Variants in GABBR2 observed in about 807,000 individuals in gnomAD.
GABBR2 encodes the protein G-protein coupled receptor 51.
A neutral mutation model predicts 105.6 loss-of-function variants in GABBR2; 23 were observed. The observed-to-expected ratio is 0.22, with a 90% confidence interval of 0.16 to 0.31. The LOEUF (loss-of-function observed/expected upper bound fraction) is 0.31. Among genes scored for constraint, GABBR2 ranks in the 10% least tolerant of loss-of-function variants. The probability of loss-of-function intolerance (pLI) is 1.00; values close to 1 mark genes in which losing one functional copy is unlikely to be tolerated. For missense variants in GABBR2, 734 were observed against 1,245.5 expected (o/e 0.59, Z 6.18); for synonymous variants, 478 against 499.7 (o/e 0.96, Z 0.58).
intron 11 of GABBR2, among the ~76,000 whole-genome samples, chr9:98,377,444 C>T (rs1256035883): frequency 6.6e-6 from 1 of 152,172 alleles, no homozygotes; most frequent in Admixed American, 6.5e-5. Flanking sequence ...TATTTTAAGT[C>T]TTCCCTGATT....
At chr9:98,530,004 T>C (rs1415145935) in intron 3 of GABBR2, among the ~76,000 whole-genome samples, 1 of 152,174 alleles carries the variant, frequency 6.6e-6, no homozygotes, top group East Asian at 1.9e-4. Flanking sequence ...CCTTTGCTCA[T>C]GCGGCTCTGG....
chr9:98,679,957 C>T (rs958888148), intron 1 of GABBR2, among the ~76,000 whole-genome samples: 3 of 152,216 alleles, frequency 2.0e-5, no homozygotes, highest in Non-Finnish European at 4.4e-5. Context: ...AGTTTACCTG[C>T]ATCTTTGGGC....
chr9:98,340,627 T>G (rs72759646), intron 13 of GABBR2, among the ~76,000 whole-genome samples: 1 of 152,148 alleles, frequency 6.6e-6, no homozygotes, highest in Non-Finnish European at 1.5e-5. Context: ...AACACCACCC[T>G]TTATGGACAT....
intron 3 of GABBR2, among the ~76,000 whole-genome samples, chr9:98,526,050 A>C (rs1827950342): frequency 1.3e-5 from 2 of 152,198 alleles, no homozygotes. Context: ...TGGAGTGATG[A>C]AATATTCTCA....
chr9:98,380,115 C>T (rs1034305887), intron 11 of GABBR2, among the ~76,000 whole-genome samples: 4 of 152,170 alleles, frequency 2.6e-5, no homozygotes, highest in Admixed American at 6.5e-5. Context: ...ACAGGGCTTC[C>T]GTTTTCTGCT....
At chr9:98,571,823 G>C (rs1828836046) in intron 2 of GABBR2, among the ~76,000 whole-genome samples, 1 of 152,142 alleles carries the variant, frequency 6.6e-6, no homozygotes, top group African/African-American at 2.4e-5. Context: ...GGCAGGGCTT[G>C]CTTGCAGGAG....
chr9:98,644,139 C>T (rs1351441083), intron 1 of GABBR2, among the ~76,000 whole-genome samples: 2 of 152,196 alleles, frequency 1.3e-5, no homozygotes, highest in Admixed American at 1.3e-4. Context: ...TCACATTGCC[C>T]AACACACAGC....
intron 1 of GABBR2, among the ~76,000 whole-genome samples, chr9:98,593,500 C>T (rs990244370): frequency 3.9e-5 from 6 of 152,048 alleles, no homozygotes; most frequent in African/African-American, 1.4e-4. Flanking sequence ...GAGGGGAGTC[C>T]TAGTTTCCTT....
chr9:98,330,994 A>G (rs1831015191), intron 13 of GABBR2, among the ~76,000 whole-genome samples: 1 of 152,176 alleles, frequency 6.6e-6, no homozygotes. Flanking sequence ...CAATAGAATC[A>G]TACAATATGT....
intron 1 of GABBR2, among the ~76,000 whole-genome samples, chr9:98,698,892 T>C (rs1830791841): frequency 1.3e-5 from 2 of 152,162 alleles, no homozygotes; most frequent in African/African-American, 4.8e-5. Flanking sequence ...ACCCAGTTCC[T>C]GAGTTAGTCC....
At chr9:98,544,018 T>TTCCC (rs1257727074) in intron 2 of GABBR2, among the ~76,000 whole-genome samples, 11 of 151,952 alleles carry the variant, frequency 7.2e-5, no homozygotes, top group Non-Finnish European at 1.6e-4. Context: ...TCCTCCCTCC[T>TTCCC]TCCCTCCCTC....
At position 98,334,450 on chromosome 9, in the gene GABBR2, G is replaced by T. The variant is rs185706268; in HGVS notation, c.1894-23245C>A. On this transcript the variant is annotated intron_variant, in intron 13 of 18. Transcript: ENST00000259455. ...AAGCAAGGTTATCTCAGGCCAGTCAGGTCACCTACTCAGCTTTAGTTTCCT... is the reference window on the plus strand; with the variant it reads ...AAGCAAGGTTATCTCAGGCCAGTCATGTCACCTACTCAGCTTTAGTTTCCT... Among the ~76,000 whole-genome samples, 220 of 152,300 alleles carry T rather than the reference G, an allele frequency of 1.4e-3. 1 individual carries two copies. Among genetic ancestry groups the T allele is most frequent in the Non-Finnish European group, 1.0e-3 (69 of 68,008 alleles).
chr9:98,400,928 CAA>C (rs1299509513), intron 8 of GABBR2, among the ~76,000 whole-genome samples: 6 of 152,030 alleles, frequency 3.9e-5, no homozygotes, highest in African/African-American at 1.5e-4. Context: ...AATGGACACA[CAA>C]GAGGGACTTT....
chr9:98,488,622 A>AGG (rs1827109668), intron 4 of GABBR2, among the ~76,000 whole-genome samples: 1 of 145,458 alleles, frequency 6.9e-6, no homozygotes, highest in Admixed American at 7.0e-5. Flanking sequence ...TCTTTCTGTC[A>AGG]TTCCCTAGCA....
rs1830505971 is a variant in GABBR2 at position 98,303,688 on chromosome 9, T to C, written c.2230-265A>G. On this transcript the variant is annotated intron_variant, in intron 15 of 18. Transcript: ENST00000259455. ...CTAGTCTCCTGACCCTGATGCCACC[T>C]GCATCCCAACCAGGGCCCCCGAGGC... Among the ~76,000 whole-genome samples, 5 of 152,242 alleles carry C rather than the reference T, an allele frequency of 3.3e-5. No homozygotes were observed. The South Asian group carries it at 1.0e-3, about 31-fold the overall frequency.
chr9:98,590,144 C>T (rs1376458714), intron 1 of GABBR2, among the ~76,000 whole-genome samples: 1 of 152,216 alleles, frequency 6.6e-6, no homozygotes, highest in African/African-American at 2.4e-5. Flanking sequence ...CAGATACAAT[C>T]ACTGCTGGTG....
At chr9:98,563,301 C>T (rs1031082795) in intron 2 of GABBR2, among the ~76,000 whole-genome samples, 3 of 152,120 alleles carry the variant, frequency 2.0e-5, no homozygotes, top group Non-Finnish European at 4.4e-5. Flanking sequence ...CTAAGGTTCC[C>T]CCGGCAAACA....
chr9:98,705,558 TACAA>T lies in GABBR2; in HGVS notation c.321+2855_321+2858del, dbSNP rs527623627. 1.1e-3 allele frequency among the ~76,000 whole-genome samples: 169 copies of T among 152,322 alleles called. 2 individuals are homozygous for T. The highest frequency in any genetic ancestry group is 3.8e-3 in the African/African-American group (157 of 41,584). ...ACCACATCCACCCTGTGTTAAAGTC[TACAA>T]ACAATGTGACACAGCCTGCAAATAA... On this transcript the variant is annotated intron_variant, in intron 1 of 18. Coordinates refer to ENST00000259455, the MANE Select transcript of GABBR2 (RefSeq NM_005458.8).
intron 14 of GABBR2, among the ~76,000 whole-genome samples, chr9:98,309,725 C>A (rs1298164988): frequency 6.6e-6 from 1 of 152,216 alleles, no homozygotes; most frequent in African/African-American, 2.4e-5. Context: ...TGGGTACCTC[C>A]TGTGGACACC....
Sources: gnomAD v4.1 joint callset for allele counts (sites outside exome capture counted in the v4.1 genomes callset) on GRCh38, gnomAD v4.1.1 for gene constraint, MANE v1.5 for transcripts, NCBI Gene and HGNC (gene_info 2026-07-23, HGNC 2026-07-21) for gene names.